Variants in LRP1B observed in about 807,000 individuals in gnomAD.
LRP1B encodes LDL receptor related protein 1B, also known as low-density lipoprotein receptor-related protein 1B.
In LRP1B, 217 loss-of-function variants were observed where a neutral mutation model predicts 556.6. That is an observed-to-expected ratio of 0.39 (90% CI 0.35 to 0.44). LRP1B has a LOEUF of 0.44. LRP1B is among the 20% of genes least tolerant of loss of function. LRP1B has a pLI of 1.00. For synonymous variants in LRP1B, 2,047 were observed against 1,865.8 expected (o/e 1.10, Z -2.50); for missense variants, 5,053 against 5,620.8 (o/e 0.90, Z 3.23).
chr2:140,255,259 C>T (rs770233099), intron 86 of LRP1B, among the ~76,000 whole-genome samples: 8 of 152,128 alleles, frequency 5.3e-5, no homozygotes, highest in Non-Finnish European at 7.4e-5. Flanking sequence ...TGTTAGATTA[C>T]TTTTCCTAGA....
chr2:140,561,482 C>T (rs1311679062), intron 43 of LRP1B, among the ~76,000 whole-genome samples: 2 of 152,082 alleles, frequency 1.3e-5, no homozygotes, highest in Admixed American at 6.6e-5. Context: ...TGAAGGTTCC[C>T]ATGTCACGTA....
At chr2:141,026,771 A>C (rs1208042684) in intron 11 of LRP1B, among the ~76,000 whole-genome samples, 1 of 152,150 alleles carries the variant, frequency 6.6e-6, no homozygotes, top group African/African-American at 2.4e-5. Context: ...CTCTTACAAA[A>C]CTGAAACAGT....
intron 79 of LRP1B, among the ~76,000 whole-genome samples, chr2:140,332,150 C>G (rs1348801653): frequency 6.6e-6 from 1 of 152,022 alleles, no homozygotes; most frequent in Non-Finnish European, 1.5e-5. Context: ...GATGGATTAC[C>G]TGTTTATCCC....
intron 1 of LRP1B, among the ~76,000 whole-genome samples, chr2:141,818,752 G>A (rs1445115364): frequency 6.6e-6 from 1 of 150,726 alleles, no homozygotes; most frequent in Non-Finnish European, 1.5e-5. Context: ...TAGCCAGGAT[G>A]GTCTCGATCT....
chr2:140,269,251 T>C, intron 86 of LRP1B: 1 of 470,496 alleles, frequency 2.1e-6, no homozygotes. Context: ...CAGCGATAAG[T>C]GGAAGTTTAA....
rs16847934 is a variant in LRP1B, at chr2:142,022,290, C to A, written c.82+108358G>T. 4.7e-3 allele frequency among the ~76,000 whole-genome samples: 641 copies of A among 135,464 alleles called. 4 individuals are homozygous for A. The highest frequency in any genetic ancestry group is 0.015 in the African/African-American group (545 of 36,086). The allele number at this position is 135,464 out of a possible 152,430, so 88.9% of individuals were successfully genotyped here. A position where few individuals can be genotyped will look rare whatever the true frequency, so the allele number is the denominator to read the frequency against. On this transcript the variant is annotated intron_variant, in intron 1 of 90. Coordinates refer to ENST00000389484, the MANE Select transcript of LRP1B (RefSeq NM_018557.3). The stretch of plus-strand genomic sequence containing the variant: ...TAAAACATAATGTTGTAAAAAAAAA[C>A]AACAGTGAAATACTGTTTAATTAAG...
intron 3 of LRP1B, among the ~76,000 whole-genome samples, chr2:141,480,159 TTGTGTGTGTGTGTGTGTGTG>T (rs5834837): frequency 1.3e-5 from 2 of 149,864 alleles, no homozygotes; most frequent in African/African-American, 2.5e-5. Flanking sequence ...AAGTCTAAAT[TTGTGTGTGTGTGTGTGTGTG>T]TGTGTGTGTG....
Position 141,216,577 on chromosome 2 carries a change from G to A in LRP1B, c.850+12606C>T, listed in dbSNP as rs114572357. 6.0e-3 allele frequency among the ~76,000 whole-genome samples: 912 copies of A among 152,218 alleles called. 10 individuals are homozygous for A. The highest frequency in any genetic ancestry group is 0.021 in the African/African-American group (865 of 41,534). Reference sequence around the variant, plus strand: ...GAGCCACTGGCAGCTTTCACACTATGACTGGAAAAGCCACAGGCACTCAAT... The same window carrying A: ...GAGCCACTGGCAGCTTTCACACTATAACTGGAAAAGCCACAGGCACTCAAT... On this transcript the variant is annotated intron_variant, in intron 6 of 90. Transcript: ENST00000389484.
At chr2:140,341,539 G>A (rs1681390034) in intron 77 of LRP1B, among the ~76,000 whole-genome samples, 1 of 151,420 alleles carries the variant, frequency 6.6e-6, no homozygotes, top group African/African-American at 2.4e-5. Context: ...AATAATATAA[G>A]TAGTGTCTTT....
At chr2:141,963,583 G>T (rs1005938481) in intron 1 of LRP1B, among the ~76,000 whole-genome samples, 45 of 151,752 alleles carry the variant, frequency 3.0e-4, no homozygotes, top group Admixed American at 2.8e-3. Flanking sequence ...AGGTATTGAT[G>T]GGTCGTATTT....
chr2:141,420,339 C>T (rs1007443165), intron 3 of LRP1B, among the ~76,000 whole-genome samples: 2 of 152,176 alleles, frequency 1.3e-5, no homozygotes, highest in African/African-American at 2.4e-5. Context: ...AATGCAGCCA[C>T]GTATCCCAGT....
At position 140,485,846 on chromosome 2, in the gene LRP1B, TACACACACAC is replaced by T. The variant is rs10696198; in HGVS notation, c.9244-332_9244-323del. ...ATTTGGGACAAAATTCTCACGCACA[TACACACACAC>T]ACACACACACACACACACACACACA... On this transcript the variant is annotated intron_variant, in intron 58 of 90. Coordinates refer to ENST00000389484, the MANE Select transcript of LRP1B (RefSeq NM_018557.3). 5.3e-3 allele frequency among the ~76,000 whole-genome samples: 752 copies of T among 142,356 alleles called. 9 individuals carry two copies. The highest frequency in any genetic ancestry group is 0.016 in the African/African-American group (627 of 38,078). The allele number at this position is 142,356 out of a possible 152,430, so 93.4% of individuals were successfully genotyped here.
At chr2:140,601,026 C>T (rs1682645818) in intron 42 of LRP1B, among the ~76,000 whole-genome samples, 1 of 148,680 alleles carries the variant, frequency 6.7e-6, no homozygotes, top group South Asian at 2.1e-4. Context: ...TTGCAGTTTG[C>T]TTTCTTTTGT....
intron 11 of LRP1B, among the ~76,000 whole-genome samples, chr2:141,044,954 T>G (rs1470243246): frequency 6.6e-6 from 1 of 150,646 alleles, no homozygotes; most frequent in Non-Finnish European, 1.5e-5. Flanking sequence ...CATGCTGCTA[T>G]AAAGACACAG....
intron 7 of LRP1B, among the ~76,000 whole-genome samples, chr2:141,101,286 C>A (rs77477741): frequency 0.079 from 12,025 of 152,116 alleles, 585 homozygotes; most frequent in South Asian, 0.14. Flanking sequence ...CTTGTCTCCC[C>A]ACATAATACT....
chr2:140,865,717 T>C (rs1692929371), intron 27 of LRP1B, among the ~76,000 whole-genome samples: 1 of 152,064 alleles, frequency 6.6e-6, no homozygotes, highest in African/African-American at 2.4e-5. Context: ...ATTTAAAGAC[T>C]AGAATATTTG....
chr2:140,554,318 C>A (rs547357687), intron 43 of LRP1B, among the ~76,000 whole-genome samples: 3,219 of 152,064 alleles, frequency 0.021, 90 homozygotes, highest in African/African-American at 0.061. Context: ...TTTTTATTTT[C>A]TTGCCGTTAT....
intron 7 of LRP1B, among the ~76,000 whole-genome samples, chr2:141,178,140 A>T (rs1359614730): frequency 6.6e-6 from 1 of 152,142 alleles, no homozygotes; most frequent in East Asian, 1.9e-4. Context: ...GGAAAAGGCA[A>T]TAAACAGTTT....
chr2:140,881,275 T>TGCGC (rs138479664), intron 25 of LRP1B, among the ~76,000 whole-genome samples: 2 of 151,522 alleles, frequency 1.3e-5, no homozygotes, highest in African/African-American at 4.9e-5. Flanking sequence ...TGTGTGTGTG[T>TGCGC]GCGTGTGTGT....
Sources: allele counts gnomAD v4.1 joint callset (sites outside exome capture counted in the v4.1 genomes callset), GRCh38; gene constraint gnomAD v4.1.1; transcripts MANE v1.5; gene names NCBI Gene and HGNC (gene_info 2026-07-23, HGNC 2026-07-21).